Variants in TRIP11 observed in about 807,000 individuals in gnomAD.
TRIP11 encodes the protein thyroid hormone receptor interactor 11.
TRIP11 carries 148 observed loss-of-function variants against 223.1 expected under a neutral mutation model. The observed-to-expected ratio is 0.66, with a 90% CI of 0.58 to 0.76. The LOEUF (loss-of-function observed/expected upper bound fraction) is 0.76. Ranked by LOEUF, TRIP11 falls within the 30% of genes least tolerant of loss-of-function variation. The pLI is 0.00. For missense variants in TRIP11, 2,043 were observed against 2,222.0 expected (o/e 0.92, Z 1.62); for synonymous variants, 762 against 772.6 (o/e 0.99, Z 0.23).
chr14:92,017,050 C>T (rs977349877), intron 5 of TRIP11, among the ~76,000 whole-genome samples: 15 of 152,014 alleles, frequency 9.9e-5, no homozygotes, highest in African/African-American at 3.6e-4. Context: ...TTTATTTTGT[C>T]CATATCCTTT....
At chr14:92,015,606 C>T (rs578133379) in intron 6 of TRIP11, 90 bp downstream of exon 6, 5 of 1,137,748 alleles carry the variant, frequency 4.4e-6, no homozygotes, top group East Asian at 2.7e-5. Context: ...TGCAGTGAGC[C>T]GAGATCGCGC....
At chr14:91,975,308 C>T in intron 17 of TRIP11, 22 bp from the exon 18 acceptor site, 1 of 1,568,982 alleles carries the variant, frequency 6.4e-7, no homozygotes, top group Non-Finnish European at 8.8e-7. Context: ...AAGGCAGAAA[C>T]AGCTCAAGTG....
chr14:92,006,744 C>T (rs904625318), intron 10 of TRIP11, among the ~76,000 whole-genome samples: 2 of 151,958 alleles, frequency 1.3e-5, no homozygotes, highest in Non-Finnish European at 2.9e-5. Flanking sequence ...ACCTCCGCCT[C>T]CACCTCTTGA....
intron 17 of TRIP11, 28 bp from the exon 18 acceptor site, chr14:91,975,314 A>C: frequency 6.6e-7 from 1 of 1,506,562 alleles, no homozygotes; most frequent in Non-Finnish European, 9.2e-7. Flanking sequence ...GAAACAGCTC[A>C]AGTGAACTCA....
intron 4 of TRIP11, among the ~76,000 whole-genome samples, chr14:92,019,018 G>C (rs1259196298): frequency 1.3e-5 from 2 of 148,244 alleles, no homozygotes; most frequent in Non-Finnish European, 3.0e-5. Context: ...ATAAAATAGA[G>C]GTAATACATC....
chr14:91,981,948 A>C (rs1297643644), intron 16 of TRIP11, among the ~76,000 whole-genome samples: 2 of 150,462 alleles, frequency 1.3e-5, no homozygotes, highest in African/African-American at 5.0e-5. Context: ...AACCGTCTCC[A>C]CAAAAAAAAA....
In TRIP11 at chr14:92,005,905, G is replaced by A. The variant is rs746797365; in HGVS notation, c.2071C>T (p.His691Tyr). 1.9e-6 allele frequency: 3 copies of A among 1,613,874 alleles called. No individual in the cohort carries two copies. Among genetic ancestry groups the A allele is most frequent in the Non-Finnish European group, 2.5e-6 (3 of 1,179,996 alleles). ...CCAGCAAGACATTCTTCTAACTGAT[G>A]CCTCACATCTTCACATGCTAAAACT... The part of the protein sequence containing the change: ...KLVLACEDVR[H>Y]QLEECLAGNN... The change falls in exon 11 of 21, where the codon CAT becomes TAT. Residue 691 changes from histidine to tyrosine, a missense_variant. Physicochemically the swap from His to Tyr is moderately conservative, Grantham distance 83. Coordinates refer to ENST00000267622, the MANE Select transcript of TRIP11 (RefSeq NM_004239.4).
In TRIP11 at chr14:92,015,877, C is replaced by G. The variant is rs1472305246; in HGVS notation, c.658-16G>C. On this transcript the variant is annotated splice_polypyrimidine_tract_variant and intron_variant, in intron 5 of 20. Transcript: ENST00000267622. Reference sequence around the variant, plus strand: ...GTTTTAGTTCCTTAAAAAATAAAAACAAAGTTATTCACATTTATAATCAAT... The same window carrying G: ...GTTTTAGTTCCTTAAAAAATAAAAAGAAAGTTATTCACATTTATAATCAAT... 3 of 1,589,834 alleles carry G rather than the reference C, an allele frequency of 1.9e-6. No individual in the cohort carries two copies. Among genetic ancestry groups the G allele is most frequent in the South Asian group, 2.2e-5 (2 of 89,478 alleles).
chr14:92,032,338 A>G (rs1488919712), intron 2 of TRIP11, among the ~76,000 whole-genome samples: 1 of 151,676 alleles, frequency 6.6e-6, no homozygotes, highest in Non-Finnish European at 1.5e-5. Flanking sequence ...TTAGTTAGAG[A>G]TGGGGTTTCA....
At chr14:92,015,622 C>T (rs1338880098) in intron 6 of TRIP11, 74 bp downstream of exon 6, 6 of 1,306,664 alleles carry the variant, frequency 4.6e-6, no homozygotes, top group Non-Finnish European at 5.2e-6. Context: ...CGCGCCAGTG[C>T]ACTCCAGCCT....
At position 92,014,737 on chromosome 14, in the gene TRIP11, G is replaced by A. The variant is rs558409756; in HGVS notation, c.824-160C>T. ...GTGTTTTAAAATAAATAAGTTGGGG[G>A]AAAATATTTGAATCAACTACATAAA... On this transcript the variant is annotated intron_variant, in intron 6 of 20. Transcript: ENST00000267622. Among the ~76,000 whole-genome samples, 5 of 152,226 alleles carry A rather than the reference G, an allele frequency of 3.3e-5. No individual in the cohort carries two copies. In the South Asian group the frequency reaches 8.3e-4, roughly 25 times the overall value.
intron 2 of TRIP11, among the ~76,000 whole-genome samples, chr14:92,028,971 C>T (rs1352993066): frequency 6.6e-6 from 1 of 151,982 alleles, no homozygotes; most frequent in Non-Finnish European, 1.5e-5. Flanking sequence ...GAGGGGTCTA[C>T]CAACAAAGAG....
Position 91,969,780 on chromosome 14 carries a change from G to C in TRIP11, c.5833C>G (p.His1945Asp). The change falls in exon 21 of 21, where the codon CAT (histidine) becomes GAT (aspartate). Residue 1945 changes from histidine (H) to aspartate (D), a missense_variant. His to Asp is a moderately conservative substitution (Grantham distance 81, BLOSUM62 -1). Coordinates refer to ENST00000267622, the MANE Select transcript of TRIP11 (RefSeq NM_004239.4). ...TCTGAGATGGGTTTCAGAAGAAGAT[G>C]CCCGGGCCCACCAGGTCCAAGTCCA... ...PAGLGPGGPG[H>D]LLLKPISDVL... 6.2e-7 allele frequency: 1 copy of C among 1,614,160 alleles called. No individual in the cohort carries two copies. Among genetic ancestry groups the C allele is most frequent in the Non-Finnish European group, 8.5e-7 (1 of 1,180,038 alleles).
rs375507331 is a variant in TRIP11 at position 91,978,881 on chromosome 14, G to A, written c.5261-2692C>T. Among the ~76,000 whole-genome samples the A allele has an allele frequency of 5.5e-4, 83 of 152,198 alleles. 1 individual carries two copies. The highest frequency in any genetic ancestry group is 1.8e-3 in the African/African-American group (73 of 41,522). On this transcript the variant is annotated intron_variant, in intron 16 of 20. Transcript: ENST00000267622. This position sits in a 1 kb window ranked among gnomAD's most constrained non-coding sequence, Gnocchi z 4.4. ...GCCACTAAAAAATTTAAAATTGCAC[G>A]TGGCTCACAGTATATTCCTACTGGA...
chr14:92,017,834 T>C, intron 4 of TRIP11, 84 bp from the exon 5 acceptor site: 3 of 1,224,308 alleles, frequency 2.5e-6, no homozygotes, highest in Non-Finnish European at 3.5e-6. Flanking sequence ...ATTACAAGAA[T>C]ACTTTTGTAA....
In TRIP11 at chr14:92,005,534, T is replaced by G. The variant is rs774317979; in HGVS notation, c.2442A>C (p.Glu814Asp). The change falls in exon 11 of 21, where the codon GAA (glutamate) becomes GAC (aspartate). Residue 814 changes from glutamate to aspartate, a missense_variant. Glu to Asp is a conservative substitution (Grantham distance 45, BLOSUM62 2). Coordinates refer to ENST00000267622, the MANE Select transcript of TRIP11 (RefSeq NM_004239.4). ...TTTCTTTAAGCTTTTCAATAAAAATTTCTTTCTTGTTTATAAGTTGTGTCA... is the reference window on the plus strand; with the variant it reads ...TTTCTTTAAGCTTTTCAATAAAAATGTCTTTCTTGTTTATAAGTTGTGTCA... Reference protein sequence around the residue: ...KQLTQLINKKEIFIEKLKERS... With the variant: ...KQLTQLINKKDIFIEKLKERS... The G allele has an allele frequency of 6.2e-6, 10 of 1,611,072 alleles. No individual in the cohort carries two copies. The highest frequency in any genetic ancestry group is 8.5e-6 in the Non-Finnish European group (10 of 1,179,548).
chr14:92,010,451 A>C (rs186943579), intron 9 of TRIP11, among the ~76,000 whole-genome samples: 131 of 151,880 alleles, frequency 8.6e-4, no homozygotes, highest in Non-Finnish European at 1.9e-4. Flanking sequence ...AATCGCTTGA[A>C]CCCGGGAGGC....
In TRIP11 at chr14:92,014,215, CAGACAGTGCTTGTTGT is replaced by C; in HGVS notation, c.1170_1185del (p.Gln391MetfsTer6). 6.2e-7 allele frequency: 1 copy of C among 1,613,922 alleles called. No homozygotes were observed. Among genetic ancestry groups the C allele is most frequent in the Non-Finnish European group, 8.5e-7 (1 of 1,179,984 alleles). On this transcript the variant is annotated frameshift_variant and splice_region_variant, in exon 7 of 21. Transcript: ENST00000267622. LOFTEE classifies it high-confidence loss of function. ...GAAATAAGTTCCAAAGACTGTATAC[CAGACAGTGCTTGTTGT>C]AGTCTGAACACTTCTTCCACTGATG...
At position 91,967,703 on chromosome 14, in the gene TRIP11, T is replaced by C. The variant is rs1232634320; in HGVS notation, c.*1970A>G. The C allele has an allele frequency of 1.6e-5, 3 of 193,210 alleles. No individual in the cohort carries two copies. The highest frequency in any genetic ancestry group is 3.2e-5 in the Non-Finnish European group (3 of 92,696). The allele number at this position is 193,210 out of a possible 1,614,324, so 12.0% of individuals were successfully genotyped here. A position where few individuals can be genotyped will look rare whatever the true frequency, so the allele number is the denominator to read the frequency against. ...ATTAAAAGAGAAAACTTTTTACATA[T>C]TCTATTTCTTAAAAATAAAGGACCA... On this transcript the variant is annotated 3_prime_UTR_variant, in exon 21 of 21. Coordinates refer to ENST00000267622, the MANE Select transcript of TRIP11 (RefSeq NM_004239.4).
Sources: gnomAD v4.1 joint callset for allele counts (sites outside exome capture counted in the v4.1 genomes callset) on GRCh38, gnomAD v4.1.1 for gene constraint, Gnocchi (gnomAD v3.1) non-coding constraint, MANE v1.5 for transcripts, NCBI Gene and HGNC (gene_info 2026-07-23, HGNC 2026-07-21) for gene names.